Variants in CADPS observed in about 807,000 individuals in gnomAD.
CADPS encodes the protein calcium-dependent secretion activator 1.
In CADPS, 57 loss-of-function variants were observed where a neutral mutation model predicts 167.3. The observed-to-expected ratio is 0.34, with a 90% CI of 0.28 to 0.42. The LOEUF (loss-of-function observed/expected upper bound fraction) is 0.42, where lower values mean the gene tolerates loss of function less well. Ranked by LOEUF, CADPS falls within the 20% of genes least tolerant of loss-of-function variation. CADPS has a pLI of 1.00. For synonymous variants in CADPS, 676 were observed against 635.3 expected, an observed-to-expected ratio of 1.06 and a Z score of -0.96; for missense variants, 1,414 against 1,738.1, an observed-to-expected ratio of 0.81 and a Z score of 3.32.
At chr3:62,789,965 A>T (rs955158582) in intron 1 of CADPS, among the ~76,000 whole-genome samples, 1 of 152,176 alleles carries the variant, frequency 6.6e-6, no homozygotes, top group Non-Finnish European at 1.5e-5. Flanking sequence ...TGAAAAAAAT[A>T]GCCATAGTCC....
At position 62,576,105 on chromosome 3, in the gene CADPS, C is replaced by T. The variant is rs1314164118; in HGVS notation, c.1578-5167G>A. ...ACAGGTGGCTTCCCTCCTAGCTCCT[C>T]ACACTACAGGCAGATCTATTTGTGT... On this transcript the variant is annotated intron_variant, in intron 8 of 29. Transcript: ENST00000383710. Among the ~76,000 whole-genome samples, 46 of 152,172 alleles carry T rather than the reference C, an allele frequency of 3.0e-4. 2 individuals are homozygous for T. The highest frequency in any genetic ancestry group is 2.9e-3 in the Admixed American group (45 of 15,264).
chr3:62,825,881 C>T (rs1049706153), intron 1 of CADPS, among the ~76,000 whole-genome samples: 3 of 152,136 alleles, frequency 2.0e-5, no homozygotes, highest in African/African-American at 4.8e-5. Flanking sequence ...TTCTGAGACA[C>T]GGAATCACAC....
intron 1 of CADPS, among the ~76,000 whole-genome samples, chr3:62,859,183 G>A (rs113365478): frequency 6.6e-6 from 1 of 152,106 alleles, no homozygotes; most frequent in African/African-American, 2.4e-5. Flanking sequence ...GTTGAATTTG[G>A]TTTGTCCTTT....
intron 1 of CADPS, among the ~76,000 whole-genome samples, chr3:62,807,805 G>A (rs979310765): frequency 1.3e-5 from 2 of 151,854 alleles, no homozygotes. Flanking sequence ...TATATATCTA[G>A]ATTTTGTCAA....
At chr3:62,854,107 G>T (rs2079171470) in intron 1 of CADPS, among the ~76,000 whole-genome samples, 1 of 152,084 alleles carries the variant, frequency 6.6e-6, no homozygotes, top group Admixed American at 6.6e-5. Flanking sequence ...ATATATATTT[G>T]GAATGAACTA....
chr3:62,594,743 C>T (rs116626445), intron 6 of CADPS, among the ~76,000 whole-genome samples: 2,164 of 152,114 alleles, frequency 0.014, 63 homozygotes, highest in African/African-American at 0.048. Context: ...ATCACTTCTT[C>T]CATCAACAAA....
intron 6 of CADPS, among the ~76,000 whole-genome samples, chr3:62,618,984 A>T (rs530761113): frequency 6.6e-6 from 1 of 152,352 alleles, no homozygotes; most frequent in East Asian, 1.9e-4. Flanking sequence ...GGTCTAATAT[A>T]GGAAAAGGCA....
rs564384298 is a variant in CADPS, at chr3:62,862,219, T to G, written c.441+12370A>C. Among the ~76,000 whole-genome samples the G allele has an allele frequency of 4.6e-3, 599 of 130,168 alleles. 2 individuals carry two copies. Among genetic ancestry groups the G allele is most frequent in the Non-Finnish European group, 7.1e-3 (411 of 58,138 alleles). The allele number at this position is 130,168 out of a possible 152,430, so 85.4% of individuals were successfully genotyped here. On this transcript the variant is annotated intron_variant, in intron 1 of 29. Coordinates refer to ENST00000383710, the MANE Select transcript of CADPS (RefSeq NM_003716.4). ...TATTGATAGCATTGAAAACAGTGGTTTTTTTTTTTTTTTTTTTAGACAGAG... is the reference window on the plus strand; with the variant it reads ...TATTGATAGCATTGAAAACAGTGGTGTTTTTTTTTTTTTTTTTAGACAGAG...
intron 27 of CADPS, among the ~76,000 whole-genome samples, chr3:62,444,159 G>C (rs1464039143): frequency 1.3e-5 from 2 of 152,184 alleles, no homozygotes; most frequent in African/African-American, 4.8e-5. Flanking sequence ...CTCTGCTCTG[G>C]ATCCTACAGA....
Position 62,602,865 on chromosome 3 carries a change from G to A in CADPS, c.1326-10117C>T, listed in dbSNP as rs1191242132. 6.6e-6 allele frequency among the ~76,000 whole-genome samples: 1 copy of A among 152,120 alleles called. No individual in the cohort carries two copies. Among genetic ancestry groups the A allele is most frequent in the Non-Finnish European group, 1.5e-5 (1 of 68,030 alleles). ...CCCGGCTTAGTTAAAGGAACTGCCA[G>A]CCACCCAGACATCATTCTTATTTGC... On this transcript the variant is annotated intron_variant, in intron 6 of 29. Coordinates refer to ENST00000383710, the MANE Select transcript of CADPS (RefSeq NM_003716.4). The surrounding 1 kb of genome is among the most constrained non-coding windows in gnomAD (Gnocchi z 4.4).
intron 1 of CADPS, among the ~76,000 whole-genome samples, chr3:62,853,488 G>A (rs1191896597): frequency 6.6e-6 from 1 of 152,014 alleles, no homozygotes; most frequent in Non-Finnish European, 1.5e-5. Context: ...AGGTGGGCAT[G>A]GTGGCAGGTG....
At chr3:62,522,659 T>C (rs2070981065) in intron 13 of CADPS, among the ~76,000 whole-genome samples, 1 of 152,184 alleles carries the variant, frequency 6.6e-6, no homozygotes, top group Non-Finnish European at 1.5e-5. Flanking sequence ...ATAAAGCACA[T>C]ATCTCTTCCT....
intron 18 of CADPS, among the ~76,000 whole-genome samples, chr3:62,497,778 G>A (rs1379782215): frequency 6.6e-6 from 1 of 152,086 alleles, no homozygotes; most frequent in African/African-American, 2.4e-5. Flanking sequence ...GTATCACTCC[G>A]GTGAGCTACT....
chr3:62,804,987 G>C (rs1017908138), intron 1 of CADPS, among the ~76,000 whole-genome samples: 1 of 152,136 alleles, frequency 6.6e-6, no homozygotes, highest in Non-Finnish European at 1.5e-5. Context: ...GAATCACAGA[G>C]ATGAAATCAG....
At chr3:62,803,459 G>A (rs2152819660) in intron 1 of CADPS, among the ~76,000 whole-genome samples, 1 of 152,092 alleles carries the variant, frequency 6.6e-6, no homozygotes. Context: ...AGGTGAGGGG[G>A]AGACTGCTAC....
chr3:62,838,479 G>A (rs2076209583), intron 1 of CADPS, among the ~76,000 whole-genome samples: 1 of 152,110 alleles, frequency 6.6e-6, no homozygotes, highest in South Asian at 2.1e-4. Flanking sequence ...ACAGTTTTTA[G>A]GGAATCTGTG....
At chr3:62,460,773 G>T (rs572030845) in intron 26 of CADPS, among the ~76,000 whole-genome samples, 12 of 152,166 alleles carry the variant, frequency 7.9e-5, no homozygotes, top group African/African-American at 2.9e-4. Context: ...CAATCAAAAT[G>T]CTGGCAAAAG....
At chr3:62,614,360 C>G (rs1002584669) in intron 6 of CADPS, among the ~76,000 whole-genome samples, 14 of 152,318 alleles carry the variant, frequency 9.2e-5, no homozygotes, top group African/African-American at 3.4e-4. Flanking sequence ...ATCCACTTTA[C>G]TCTGATGAAT....
intron 13 of CADPS, among the ~76,000 whole-genome samples, chr3:62,523,519 A>G (rs11712105): frequency 0.017 from 2,662 of 152,292 alleles, 29 homozygotes; most frequent in Non-Finnish European, 0.027. Context: ...ATGGTTCTCC[A>G]TATTATGTTA....
Sources: gnomAD v4.1 joint callset for allele counts (sites outside exome capture counted in the v4.1 genomes callset) on GRCh38, gnomAD v4.1.1 for gene constraint, Gnocchi (gnomAD v3.1) non-coding constraint, MANE v1.5 for transcripts, NCBI Gene and HGNC (gene_info 2026-07-23, HGNC 2026-07-21) for gene names.